Variants in ZAP70 observed in about 807,000 individuals in gnomAD.
The protein encoded by ZAP70 is tyrosine-protein kinase ZAP-70.
ZAP70 carries 27 observed loss-of-function variants against 65.8 expected under a neutral mutation model. The observed-to-expected ratio is 0.41, with a 90% CI of 0.30 to 0.57. ZAP70 has a LOEUF of 0.57. Ranked by LOEUF, ZAP70 falls within the 20% of genes least tolerant of loss-of-function variation. The pLI is 0.28. For missense variants in ZAP70, 696 were observed against 870.5 expected, an observed-to-expected ratio of 0.80 and a Z score of 2.52; for synonymous variants, 363 against 360.8, an observed-to-expected ratio of 1.01 and a Z score of -0.07.
chr2:97,739,486 T>C lies in ZAP70; in HGVS notation c.1848T>C (p.Ala616=), dbSNP rs1343332131. The C allele has an allele frequency of 1.2e-6, 2 of 1,612,666 alleles. No homozygotes were observed. The highest frequency in any genetic ancestry group is 1.7e-6 in the Non-Finnish European group (2 of 1,179,662). Residue 616 remains alanine (A), a synonymous_variant, in exon 14 of 14, where the codon GCT becomes GCC. Transcript: ENST00000264972. ...GPPGSTQKAE[A]ACA The stretch of plus-strand genomic sequence containing the variant: ...CAGGCAGCACACAGAAGGCTGAGGC[T>C]GCCTGTGCCTGAGCTCCCGCTGCCC...
intron 4 of ZAP70, among the ~76,000 whole-genome samples, chr2:97,728,817 A>G (rs1274973686): frequency 6.6e-6 from 1 of 152,216 alleles, no homozygotes; most frequent in Non-Finnish European, 1.5e-5. Flanking sequence ...CAGTGGTGCA[A>G]TCTTCGCTCA....
At chr2:97,730,226 C>CCAAA (rs60127934) in intron 4 of ZAP70, among the ~76,000 whole-genome samples, 7 of 152,056 alleles carry the variant, frequency 4.6e-5, no homozygotes, top group Admixed American at 3.9e-4. Flanking sequence ...AAACTCTGTC[C>CCAAA]CAAACAAACA....
At chr2:97,732,810 G>T in intron 4 of ZAP70, 73 bp from the exon 5 acceptor site, 1 of 1,599,850 alleles carries the variant, frequency 6.3e-7, no homozygotes, top group Non-Finnish European at 8.5e-7. Context: ...AGGGTGTGTT[G>T]CGGGGGAACC....
At chr2:97,744,022 T>C (rs72951174), downstream of ZAP70, among the ~76,000 whole-genome samples, 2,012 of 152,336 alleles carry the variant, frequency 0.013, 47 homozygotes, top group African/African-American at 0.046. Flanking sequence ...GGTTTCTATG[T>C]GTACTTGGTC....
the ZAP70 span, among the ~76,000 whole-genome samples, chr2:97,751,043 G>A: frequency 2.6e-5 from 4 of 152,164 alleles, no homozygotes; most frequent in South Asian, 2.1e-4. Flanking sequence ...ATAATTTTAC[G>A]CTGGATTGCT....
intron 3 of ZAP70, chr2:97,724,702 G>C (rs1181318327): frequency 6.6e-7 from 1 of 1,518,044 alleles, no homozygotes; most frequent in Non-Finnish European, 8.8e-7. Context: ...GACGCACTGG[G>C]CCGGGCGAAG....
intron 4 of ZAP70, among the ~76,000 whole-genome samples, chr2:97,725,901 A>T (rs928440541): frequency 3.3e-5 from 5 of 152,128 alleles, no homozygotes; most frequent in Non-Finnish European, 5.9e-5. Flanking sequence ...TGTTCCAGAA[A>T]CATTGTGGAG....
chr2:97,737,728 CT>C lies in ZAP70; in HGVS notation c.1483-28del, dbSNP rs749528047. On this transcript the variant is annotated intron_variant, in intron 11 of 13. Coordinates refer to ENST00000264972, the MANE Select transcript of ZAP70 (RefSeq NM_001079.4). The surrounding 1 kb of genome is among the most constrained non-coding windows in gnomAD (Gnocchi z 5.0). ...TGGGTGGGTAGAGGGTCCCTGACCC[CT>C]GATCCAGCAGCATCTCCCCCTCCCC... The C allele has an allele frequency of 1.9e-5, 30 of 1,614,000 alleles. No individual in the cohort carries two copies. The highest frequency in any genetic ancestry group is 1.6e-4 in the Middle Eastern group (1 of 6,084).
In ZAP70 at chr2:97,732,583, G is replaced by A. The variant is rs190015407; in HGVS notation, c.564-300G>A. On this transcript the variant is annotated intron_variant, in intron 4 of 13. Coordinates refer to ENST00000264972, the MANE Select transcript of ZAP70 (RefSeq NM_001079.4). ...CCAGTGGATGGGTGTCCCCTCCTCC[G>A]TGGCTGGGTGTCCACCGTGGGGGGT... 2.3e-4 allele frequency: 115 copies of A among 494,646 alleles called. 1 individual carries two copies. The East Asian group carries it at 3.5e-3, about 15-fold the overall frequency. The allele number at this position is 494,646 out of a possible 1,614,324, so 30.6% of individuals were successfully genotyped here. A position where few individuals can be genotyped will look rare whatever the true frequency, so the allele number is the denominator to read the frequency against.
chr2:97,740,879 C>A (rs2104713489), downstream of ZAP70, among the ~76,000 whole-genome samples: 1 of 152,248 alleles, frequency 6.6e-6, no homozygotes, highest in African/African-American at 2.4e-5. Context: ...CCGGCAGAGT[C>A]AAAGGATTGA....
Position 97,736,459 on chromosome 2 carries a change from A to T in ZAP70, c.1289+1003A>T, listed in dbSNP as rs140138260. On this transcript the variant is annotated intron_variant, in intron 10 of 13. Coordinates refer to ENST00000264972, the MANE Select transcript of ZAP70 (RefSeq NM_001079.4). This position sits in a 1 kb window ranked among gnomAD's most constrained non-coding sequence, Gnocchi z 4.0. ...GTGTTTATTGGACAGTTTCTCAGTG[A>T]CAGGAACTGTTAGTAGCACTTGGGA... Among the ~76,000 whole-genome samples the T allele has an allele frequency of 3.9e-5, 6 of 152,202 alleles. No homozygotes were observed. Among genetic ancestry groups the T allele is most frequent in the Non-Finnish European group, 5.9e-5 (4 of 68,034 alleles).
At chr2:97,751,547 G>C in the ZAP70 span, among the ~76,000 whole-genome samples, 1 of 152,178 alleles carries the variant, frequency 6.6e-6, no homozygotes, top group African/African-American at 2.4e-5. Flanking sequence ...TGTTTTTCTA[G>C]AGGACTGGAG....
intron 8 of ZAP70, 163 bp from the exon 9 acceptor site, chr2:97,734,357 G>GT (rs1331940871): frequency 7.0e-7 from 1 of 1,435,884 alleles, no homozygotes; most frequent in Non-Finnish European, 9.1e-7. Context: ...GTGTATGCCA[G>GT]TGTGTGCGTG....
chr2:97,748,757 A>G, the ZAP70 span, among the ~76,000 whole-genome samples: 1 of 152,154 alleles, frequency 6.6e-6, no homozygotes, highest in Non-Finnish European at 1.5e-5. Flanking sequence ...CGCCACCTCT[A>G]AAAGACACTG....
At chr2:97,725,288 T>G in intron 4 of ZAP70, 36 bp downstream of exon 4, 1 of 1,605,376 alleles carries the variant, frequency 6.2e-7, no homozygotes, top group Admixed American at 1.7e-5. Context: ...CGGTGAGGAT[T>G]GGGGCTCGTT....
At position 97,737,941 on chromosome 2, in the gene ZAP70, G is replaced by T. The variant is rs200199832; in HGVS notation, c.1623+44G>T. 226 of 1,613,984 alleles carry T rather than the reference G, an allele frequency of 1.4e-4. No individual in the cohort carries two copies. The African/African-American group carries it at 2.3e-3, about 16-fold the overall frequency. ...AGGTGGGCGGTGTGGTGGGGAGGGG[G>T]ATGAGGAGGAGGACACTGGTCACTC... On this transcript the variant is annotated intron_variant, in intron 12 of 13. Coordinates refer to ENST00000264972, the MANE Select transcript of ZAP70 (RefSeq NM_001079.4). The surrounding 1 kb of genome is among the most constrained non-coding windows in gnomAD (Gnocchi z 5.0).
chr2:97,720,378 C>A (rs1330772925), intron 2 of ZAP70, among the ~76,000 whole-genome samples: 1 of 152,142 alleles, frequency 6.6e-6, no homozygotes, highest in Non-Finnish European at 1.5e-5. Flanking sequence ...CAGGCGCCCA[C>A]CACCACGCCC....
At chr2:97,733,468 G>GT in intron 7 of ZAP70, 76 bp from the exon 8 acceptor site, 1 of 1,606,276 alleles carries the variant, frequency 6.2e-7, no homozygotes. Context: ...GTCTCTGGGA[G>GT]TCCTCAGTGG....
chr2:97,727,272 G>A (rs371584253), intron 4 of ZAP70, among the ~76,000 whole-genome samples: 4 of 152,236 alleles, frequency 2.6e-5, no homozygotes, highest in African/African-American at 7.2e-5. Context: ...TTTTGCAAAC[G>A]GTTGGTCGTA....
Sources: allele counts gnomAD v4.1 joint callset (sites outside exome capture counted in the v4.1 genomes callset), GRCh38; gene constraint gnomAD v4.1.1; non-coding constraint Gnocchi (gnomAD v3.1); transcripts MANE v1.5; gene names NCBI Gene and HGNC (gene_info 2026-07-23, HGNC 2026-07-21).